Variants in NOL4 observed in about 807,000 individuals in gnomAD.
NOL4 encodes nucleolar protein 4, also known as cancer/testis antigen 125.
Under a neutral mutation model 75.9 loss-of-function variants are expected in NOL4, and 17 were observed. The observed-to-expected ratio is 0.22, with a 90% confidence interval of 0.15 to 0.34. The LOEUF (loss-of-function observed/expected upper bound fraction) is 0.34, where lower values mean the gene tolerates loss of function less well. Ranked by LOEUF, NOL4 falls within the 10% of genes least tolerant of loss-of-function variation. The probability of loss-of-function intolerance (pLI) is 1.00; values close to 1 mark genes in which losing one functional copy is unlikely to be tolerated. For missense variants in NOL4, 614 were observed against 793.5 expected (o/e 0.77, Z 2.72); for synonymous variants, 292 against 289.9 (o/e 1.01, Z -0.07).
At chr18:33,925,231 C>T (rs1235792063) in intron 9 of NOL4, among the ~76,000 whole-genome samples, 1 of 152,094 alleles carries the variant, frequency 6.6e-6, no homozygotes, top group African/African-American at 2.4e-5. Context: ...ACTTTGATAA[C>T]TGAATAGTGA....
rs188934164 is a variant in NOL4 at position 34,076,263 on chromosome 18, C to T, written c.772+17202G>A. ...AAGCAGAACATGACCTAGAATGGGC[C>T]TCTACTTTCTCCATGGTTAGCAGCT... On this transcript the variant is annotated intron_variant, in intron 5 of 10. Coordinates refer to ENST00000261592, the MANE Select transcript of NOL4 (RefSeq NM_003787.5). Among the ~76,000 whole-genome samples the T allele has an allele frequency of 9.2e-5, 14 of 152,260 alleles. No homozygotes were observed. In the East Asian group the frequency reaches 2.3e-3, roughly 25 times the overall value.
chr18:34,062,576 A>C (rs1344169146), intron 5 of NOL4, among the ~76,000 whole-genome samples: 1 of 152,122 alleles, frequency 6.6e-6, no homozygotes, highest in African/African-American at 2.4e-5. Context: ...TCCCCATTTG[A>C]AATTTTCAAA....
chr18:34,120,241 C>T (rs566974585), intron 2 of NOL4, among the ~76,000 whole-genome samples: 2 of 152,258 alleles, frequency 1.3e-5, no homozygotes, highest in South Asian at 2.1e-4. Flanking sequence ...AGTCTGCAGG[C>T]AGCTTGAAAT....
intron 5 of NOL4, among the ~76,000 whole-genome samples, chr18:34,030,550 GA>G (rs971591956): frequency 1.3e-5 from 2 of 152,114 alleles, no homozygotes; most frequent in African/African-American, 4.8e-5. Context: ...TCAAAAATTG[GA>G]ATATTGAAAT....
At chr18:33,982,981 C>G (rs2072100834) in intron 6 of NOL4, among the ~76,000 whole-genome samples, 1 of 151,928 alleles carries the variant, frequency 6.6e-6, no homozygotes, top group South Asian at 2.1e-4. Flanking sequence ...AACTCCTGAC[C>G]TCAGGTGATC....
At chr18:33,912,812 T>C (rs1470591608) in intron 9 of NOL4, among the ~76,000 whole-genome samples, 3 of 152,016 alleles carry the variant, frequency 2.0e-5, no homozygotes, top group Non-Finnish European at 4.4e-5. Context: ...ATGCATTAGG[T>C]CCCCATTGTA....
At chr18:34,048,707 G>C in intron 5 of NOL4, 1 of 602,796 alleles carries the variant, frequency 1.7e-6, no homozygotes, top group Non-Finnish European at 2.1e-6. Flanking sequence ...CATGCACTCA[G>C]TCTTCCTCCA....
At chr18:34,108,428 T>G (rs758472185) in intron 2 of NOL4, among the ~76,000 whole-genome samples, 4 of 151,942 alleles carry the variant, frequency 2.6e-5, no homozygotes, top group Non-Finnish European at 5.9e-5. Context: ...AAAAAAGAAC[T>G]AACTATATGC....
chr18:34,119,179 T>C (rs1004474173), intron 2 of NOL4, among the ~76,000 whole-genome samples: 3 of 152,184 alleles, frequency 2.0e-5, no homozygotes, highest in Admixed American at 6.5e-5. Context: ...CTAAACAAAT[T>C]TGTAATCACT....
chr18:33,941,695 A>G (rs2145557513), intron 9 of NOL4, among the ~76,000 whole-genome samples: 1 of 152,034 alleles, frequency 6.6e-6, no homozygotes. Flanking sequence ...TGTCTTTCAT[A>G]TGGAGTAATC....
chr18:34,217,521 AGG>A (rs2036986282), intron 1 of NOL4, among the ~76,000 whole-genome samples: 1 of 152,072 alleles, frequency 6.6e-6, no homozygotes, highest in Non-Finnish European at 1.5e-5. Context: ...TCCTGAGCTC[AGG>A]CAATCCGCCT....
chr18:34,196,761 T>C (rs1415048945), intron 1 of NOL4, among the ~76,000 whole-genome samples: 2 of 151,198 alleles, frequency 1.3e-5, no homozygotes, highest in Admixed American at 1.3e-4. Context: ...ATGTTATAAT[T>C]CCTTCATCTA....
At chr18:33,862,819 G>T (rs987495536) in intron 10 of NOL4, among the ~76,000 whole-genome samples, 31 of 152,164 alleles carry the variant, frequency 2.0e-4, no homozygotes, top group African/African-American at 6.5e-4. Flanking sequence ...TTACACTGTT[G>T]GTGGGACTGT....
chr18:34,209,194 C>CAAAAAAAAAAAAAAAAAAAAAAAAAAA, intron 1 of NOL4, among the ~76,000 whole-genome samples: 1 of 56,458 alleles, frequency 1.8e-5, no homozygotes, highest in Non-Finnish European at 4.1e-5. Context: ...ACTCTGTCTC[C>CAAAAAAAAAAAAAAAAAAAAAAAAAAA]AAAAAAAAAA....
chr18:34,055,592 C>T (rs61633444), intron 5 of NOL4, among the ~76,000 whole-genome samples: 2,113 of 152,132 alleles, frequency 0.014, 50 homozygotes, highest in African/African-American at 0.047. Flanking sequence ...TCTATGGATT[C>T]GTCCTGGTTG....
At chr18:33,888,212 A>G (rs2064879140) in intron 9 of NOL4, among the ~76,000 whole-genome samples, 1 of 152,048 alleles carries the variant, frequency 6.6e-6, no homozygotes, top group Non-Finnish European at 1.5e-5. Flanking sequence ...TGGCTGCATG[A>G]ATGTCTTCTT....
intron 6 of NOL4, among the ~76,000 whole-genome samples, chr18:33,958,921 C>A (rs2069877947): frequency 1.3e-5 from 2 of 152,000 alleles, no homozygotes; most frequent in Admixed American, 1.3e-4. Context: ...GAGGGATGTT[C>A]AATTAACTTA....
intron 1 of NOL4, among the ~76,000 whole-genome samples, chr18:34,214,271 A>G (rs552823134): frequency 7.0e-6 from 1 of 142,056 alleles, no homozygotes; most frequent in South Asian, 2.3e-4. Flanking sequence ...GGATTTATAT[A>G]TATTTTAATC....
At chr18:33,956,066 T>C (rs1258016292) in intron 8 of NOL4, among the ~76,000 whole-genome samples, 1 of 152,090 alleles carries the variant, frequency 6.6e-6, no homozygotes, top group Non-Finnish European at 1.5e-5. Flanking sequence ...AGAAATCATG[T>C]CACCTATTGG....
Sources: allele counts gnomAD v4.1 joint callset (sites outside exome capture counted in the v4.1 genomes callset), GRCh38; gene constraint gnomAD v4.1.1; transcripts MANE v1.5; gene names NCBI Gene and HGNC (gene_info 2026-07-23, HGNC 2026-07-21).